MTCL3: variants seen among roughly 807,000 people sequenced by gnomAD.
The protein encoded by MTCL3 is microtubule cross-linking factor 3.
chr6:127,511,830 C>T, the MTCL3 span, among the ~76,000 whole-genome samples: 1 of 152,168 alleles, frequency 6.6e-6, no homozygotes, highest in Non-Finnish European at 1.5e-5. Context: ...AAGACATATT[C>T]TTAATCAGAC....
the MTCL3 span, chr6:127,516,074 C>G: frequency 3.3e-6 from 5 of 1,509,954 alleles, no homozygotes; most frequent in Non-Finnish European, 3.5e-6. Flanking sequence ...TCCCTTTCCC[C>G]GGAGCCGCCG....
chr6:127,508,616 G>A, the MTCL3 span, among the ~76,000 whole-genome samples: 4 of 152,082 alleles, frequency 2.6e-5, no homozygotes, highest in African/African-American at 9.7e-5. Context: ...GTATGGGTGA[G>A]GTATGAGACA....
chr6:127,511,198 G>A, the MTCL3 span, among the ~76,000 whole-genome samples: 339 of 152,276 alleles, frequency 2.2e-3, no homozygotes, highest in Non-Finnish European at 3.6e-3. Context: ...GAAAGAACCA[G>A]CCCTACTAAC....
At chr6:127,505,555 ATAAT>A in the MTCL3 span, among the ~76,000 whole-genome samples, 2 of 152,226 alleles carry the variant, frequency 1.3e-5, no homozygotes, top group African/African-American at 2.4e-5. Flanking sequence ...ATCAGGAAAA[ATAAT>A]TAATAGGCAA....
At chr6:127,516,063 C>A in the MTCL3 span, 1 of 1,528,380 alleles carries the variant, frequency 6.5e-7, no homozygotes, top group Non-Finnish European at 8.7e-7. Context: ...GAGCGCCCCC[C>A]TCCCTTTCCC....
chr6:127,482,184 C>T, the MTCL3 span, among the ~76,000 whole-genome samples: 1 of 152,154 alleles, frequency 6.6e-6, no homozygotes, highest in Non-Finnish European at 1.5e-5. The surrounding 1 kb of genome is among the most constrained non-coding windows in gnomAD (Gnocchi z 4.1). Context: ...TTTCACTTTA[C>T]TCTATGGGCT....
At chr6:127,518,363 G>C in the MTCL3 span, among the ~76,000 whole-genome samples, 1 of 152,250 alleles carries the variant, frequency 6.6e-6, no homozygotes, top group Non-Finnish European at 1.5e-5. Flanking sequence ...TTGTGTTCCA[G>C]TAACTGGGCT....
At chr6:127,501,173 A>T in the MTCL3 span, among the ~76,000 whole-genome samples, 2 of 152,220 alleles carry the variant, frequency 1.3e-5, no homozygotes, top group African/African-American at 4.8e-5. Context: ...TTGTACATGT[A>T]TTACAGAATA....
chr6:127,515,214 AAGGCCCACTTT>A, the MTCL3 span, among the ~76,000 whole-genome samples: 1 of 152,012 alleles, frequency 6.6e-6, no homozygotes, highest in Non-Finnish European at 1.5e-5. The surrounding 1 kb of genome is among the most constrained non-coding windows in gnomAD (Gnocchi z 4.3). Context: ...CTGGGGGAAA[AAGGCCCACTTT>A]AGGCCCTCTC....
At chr6:127,499,813 G>A in the MTCL3 span, among the ~76,000 whole-genome samples, 3 of 152,316 alleles carry the variant, frequency 2.0e-5, no homozygotes, top group African/African-American at 7.2e-5. Flanking sequence ...GCACTGGCAG[G>A]CACGCTGACA....
the MTCL3 span, among the ~76,000 whole-genome samples, chr6:127,489,823 G>C: frequency 6.6e-6 from 1 of 152,252 alleles, no homozygotes; most frequent in Admixed American, 6.5e-5. Context: ...TAGCACAAAA[G>C]GGCAAGGTTC....
At chr6:127,506,257 G>T in the MTCL3 span, among the ~76,000 whole-genome samples, 1 of 152,078 alleles carries the variant, frequency 6.6e-6, no homozygotes, top group Non-Finnish European at 1.5e-5. Flanking sequence ...TATTTAGAAG[G>T]CTCATTTATC....
At chr6:127,483,472 G>A in the MTCL3 span, among the ~76,000 whole-genome samples, 3 of 152,136 alleles carry the variant, frequency 2.0e-5, no homozygotes, top group Middle Eastern at 3.4e-3. Flanking sequence ...GCTCCTCCTC[G>A]ACACGTGCAA....
At chr6:127,475,725 C>G in the MTCL3 span, 1 of 1,590,120 alleles carries the variant, frequency 6.3e-7, no homozygotes, top group African/African-American at 1.3e-5. This position sits in a 1 kb window ranked among gnomAD's most constrained non-coding sequence, Gnocchi z 7.3. Flanking sequence ...GGTGCGGAGG[C>G]CGCGAGTCGT....
chr6:127,498,798 A>G, the MTCL3 span, among the ~76,000 whole-genome samples: 4 of 152,198 alleles, frequency 2.6e-5, no homozygotes, highest in Non-Finnish European at 5.9e-5. Flanking sequence ...ACACTGGTCT[A>G]GGTGAAAGAA....
chr6:127,485,205 G>A, the MTCL3 span, among the ~76,000 whole-genome samples: 552 of 152,184 alleles, frequency 3.6e-3, 4 homozygotes, highest in African/African-American at 0.012. Context: ...GGGGAGCTAG[G>A]GATAATTTCC....
the MTCL3 span, among the ~76,000 whole-genome samples, chr6:127,491,584 C>T: frequency 2.0e-5 from 3 of 152,264 alleles, no homozygotes; most frequent in East Asian, 5.8e-4. Context: ...GGAAACCAAA[C>T]AATAGTGTGA....
At chr6:127,476,166 G>T in the MTCL3 span, 8 of 1,614,018 alleles carry the variant, frequency 5.0e-6, no homozygotes, top group Admixed American at 1.2e-4. This position sits in a 1 kb window ranked among gnomAD's most constrained non-coding sequence, Gnocchi z 4.4. Flanking sequence ...CCCTAAGGTC[G>T]TCCAGTTCCG....
the MTCL3 span, among the ~76,000 whole-genome samples, chr6:127,485,790 C>G: frequency 6.6e-6 from 1 of 151,970 alleles, no homozygotes; most frequent in African/African-American, 2.4e-5. Flanking sequence ...AAACAGTGGG[C>G]AGAACTAACT....
Sources: allele counts gnomAD v4.1 joint callset (sites outside exome capture counted in the v4.1 genomes callset), GRCh38; gene constraint gnomAD v4.1.1; non-coding constraint Gnocchi (gnomAD v3.1); transcripts MANE v1.5; gene names NCBI Gene and HGNC (gene_info 2026-07-23, HGNC 2026-07-21).